RAB22A: variants seen among roughly 807,000 people sequenced by gnomAD.
RAB22A encodes RAB22A, member RAS oncogene family.
RAB22A carries 13 observed loss-of-function variants against 30.2 expected under a neutral mutation model. That is an observed-to-expected ratio of 0.43 (90% CI 0.28 to 0.68). RAB22A has a LOEUF of 0.68. Among genes scored for constraint, RAB22A ranks in the 30% least tolerant of loss-of-function variants. The pLI, the probability that RAB22A is intolerant of heterozygous loss-of-function variation, is 0.18. For missense variants in RAB22A, 177 were observed against 246.8 expected (o/e 0.72, Z 1.89); for synonymous variants, 89 against 87.2 (o/e 1.02, Z -0.11).
At chr20:58,321,234 G>T (rs986392427) in intron 2 of RAB22A, among the ~76,000 whole-genome samples, 2 of 151,832 alleles carry the variant, frequency 1.3e-5, no homozygotes, top group African/African-American at 4.8e-5. Context: ...CATGGTGGTA[G>T]GCACCTGTAA....
rs534878554 is a variant in RAB22A, at chr20:58,352,677, G to A, written c.199-596G>A. Among the ~76,000 whole-genome samples, 3 of 152,328 alleles carry A rather than the reference G, an allele frequency of 2.0e-5. No individual in the cohort carries two copies. In the South Asian group the frequency reaches 6.2e-4, roughly 32 times the overall value. Reference sequence around the variant, plus strand: ...TGGAGGCCAGGGTGACCAGGGTGATGAGTGGGAAGAAGCTGTGTATTCAGG... The same window carrying A: ...TGGAGGCCAGGGTGACCAGGGTGATAAGTGGGAAGAAGCTGTGTATTCAGG... On this transcript the variant is annotated intron_variant, in intron 3 of 6. Transcript: ENST00000244040.
chr20:58,349,962 G>A (rs1987018525), intron 3 of RAB22A, among the ~76,000 whole-genome samples: 1 of 152,162 alleles, frequency 6.6e-6, no homozygotes, highest in Non-Finnish European at 1.5e-5. Flanking sequence ...CATATGTTCA[G>A]AGATTTAAAG....
intron 2 of RAB22A, among the ~76,000 whole-genome samples, chr20:58,311,832 TA>T (rs1387608695): frequency 6.6e-6 from 1 of 152,226 alleles, no homozygotes; most frequent in Non-Finnish European, 1.5e-5. Flanking sequence ...ATCATTAGGA[TA>T]AAATTGGCCT....
chr20:58,350,112 A>G (rs1166909501), intron 3 of RAB22A, among the ~76,000 whole-genome samples: 1 of 152,156 alleles, frequency 6.6e-6, no homozygotes, highest in East Asian at 1.9e-4. Flanking sequence ...GAAAAAAAAA[A>G]GGAGTGTTAA....
intron 2 of RAB22A, among the ~76,000 whole-genome samples, chr20:58,333,337 ATAAT>A (rs1208532727): frequency 2.6e-5 from 4 of 152,052 alleles, no homozygotes; most frequent in South Asian, 2.1e-4. Context: ...GTATCCAGCA[ATAAT>A]TAATTAATTA....
At chr20:58,343,855 T>C in intron 3 of RAB22A, 56 bp downstream of exon 3, 1 of 1,351,882 alleles carries the variant, frequency 7.4e-7, no homozygotes, top group Non-Finnish European at 1.1e-6. Context: ...AAGTTCCAAC[T>C]AAACTGTCAG....
rs139524279 is a variant in RAB22A, at chr20:58,351,800, C to T, written c.199-1473C>T. Among the ~76,000 whole-genome samples the T allele has an allele frequency of 6.9e-3, 1,058 of 152,250 alleles. 10 individuals are homozygous for T. The highest frequency in any genetic ancestry group is 0.022 in the African/African-American group (905 of 41,536). ...TGCACTCCAGCCTAGACAACAAGAG[C>T]GAAACTCCGTCTCAATGGTAGACCT... On this transcript the variant is annotated intron_variant, in intron 3 of 6. Transcript: ENST00000244040.
chr20:58,310,074 T>TC (rs1276624822), intron 1 of RAB22A, 62 bp downstream of exon 1: 3 of 1,226,162 alleles, frequency 2.4e-6, no homozygotes, highest in Admixed American at 4.3e-5. Flanking sequence ...GGACCCCGGA[T>TC]CCCCCCTGTC....
At position 58,342,716 on chromosome 20, in the gene RAB22A, G is replaced by A. The variant is rs79297548; in HGVS notation, c.117-1002G>A. ...AGTCTTATTTTTCATTAGAAAAGAA[G>A]ACACACCCATCTTTGGGCTCTACTG... On this transcript the variant is annotated intron_variant, in intron 2 of 6. Transcript: ENST00000244040. Among the ~76,000 whole-genome samples the A allele has an allele frequency of 7.0e-3, 1,058 of 151,464 alleles. 10 individuals carry two copies. The highest frequency in any genetic ancestry group is 0.024 in the African/African-American group (1,003 of 41,256).
intron 2 of RAB22A, among the ~76,000 whole-genome samples, chr20:58,315,669 G>A (rs1189865191): frequency 1.3e-5 from 2 of 151,952 alleles, no homozygotes; most frequent in Admixed American, 6.6e-5. Flanking sequence ...GGTGTGTAGT[G>A]GTACTGTCAT....
chr20:58,311,001 A>C (rs1200569324), intron 1 of RAB22A, 42 bp from the exon 2 acceptor site: 4 of 1,516,206 alleles, frequency 2.6e-6, no homozygotes, highest in Non-Finnish European at 3.7e-6. Flanking sequence ...TGTCTGCCAA[A>C]AGGTAAACTT....
chr20:58,353,192 G>A lies in RAB22A; in HGVS notation c.199-81G>A, dbSNP rs753229639. The A allele has an allele frequency of 9.6e-6, 12 of 1,250,282 alleles. No individual in the cohort carries two copies. In the African/African-American group the frequency reaches 1.1e-4, roughly 11 times the overall value. 77.4% of individuals were successfully genotyped at this position (1,250,282 alleles called of 1,614,324 possible). On this transcript the variant is annotated intron_variant, in intron 3 of 6. Coordinates refer to ENST00000244040, the MANE Select transcript of RAB22A (RefSeq NM_020673.3). ...AAGAGAAAGATTACTTTTTGTGCAG[G>A]GATAATGGGCTTATAAATCTAGTAT...
intron 5 of RAB22A, 49 bp from the exon 6 acceptor site, chr20:58,354,107 C>A: frequency 7.1e-7 from 1 of 1,413,236 alleles, no homozygotes; most frequent in East Asian, 2.3e-5. Flanking sequence ...GGGGGTACAA[C>A]TAAGATCTTC....
intron 6 of RAB22A, among the ~76,000 whole-genome samples, chr20:58,357,997 T>G (rs958544475): frequency 5.3e-5 from 8 of 152,226 alleles, no homozygotes; most frequent in Non-Finnish European, 1.0e-4. Flanking sequence ...ATAGGATCTC[T>G]TCCCTAGAAG....
intron 2 of RAB22A, among the ~76,000 whole-genome samples, chr20:58,339,119 A>G (rs536206618): frequency 6.6e-6 from 1 of 152,360 alleles, no homozygotes; most frequent in South Asian, 2.1e-4. Flanking sequence ...AAGTTTTTTC[A>G]TTGAGAGCAC....
intron 2 of RAB22A, among the ~76,000 whole-genome samples, chr20:58,322,723 C>T (rs184501386): frequency 6.6e-6 from 1 of 152,348 alleles, no homozygotes; most frequent in East Asian, 1.9e-4. Context: ...TGTTTCCCTT[C>T]TCCCAGGCTT....
At chr20:58,325,771 C>T (rs1986559839) in intron 2 of RAB22A, among the ~76,000 whole-genome samples, 1 of 152,138 alleles carries the variant, frequency 6.6e-6, no homozygotes, top group African/African-American at 2.4e-5. Context: ...TATAGTCCAT[C>T]CTGGTAAATG....
At position 58,327,928 on chromosome 20, in the gene RAB22A, A is replaced by G. The variant is rs6128319; in HGVS notation, c.117-15790A>G. Among the ~76,000 whole-genome samples the G allele has an allele frequency of 7.1e-3, 1,075 of 152,288 alleles. 60 individuals carry two copies. In the East Asian group the frequency reaches 0.11, roughly 16 times the overall value. ...AAGAGTCATAACAATTAAACGCAAC[A>G]TGTGCTTTTGAACTAGATGTTTTGC... On this transcript the variant is annotated intron_variant, in intron 2 of 6. Transcript: ENST00000244040.
At chr20:58,310,933 T>C in intron 1 of RAB22A, 110 bp from the exon 2 acceptor site, 1 of 846,376 alleles carries the variant, frequency 1.2e-6, no homozygotes, top group East Asian at 2.4e-5. Flanking sequence ...TTATAAAATT[T>C]ACACGTCTAG....
Sources: gnomAD v4.1 joint callset for allele counts (sites outside exome capture counted in the v4.1 genomes callset) on GRCh38, gnomAD v4.1.1 for gene constraint, MANE v1.5 for transcripts, NCBI Gene and HGNC (gene_info 2026-07-23, HGNC 2026-07-21) for gene names.